The following DFFA variants were observed in gnomAD, a reference collection of about 807,000 sequenced individuals.
DFFA encodes DNA fragmentation factor subunit alpha.
DFFA carries 14 observed loss-of-function variants against 28.0 expected under a neutral mutation model. The observed-to-expected ratio is 0.50, with a 90% CI of 0.33 to 0.78. The LOEUF (loss-of-function observed/expected upper bound fraction) is 0.78. DFFA is among the 30% of genes least tolerant of loss of function. The pLI is 0.02. For missense variants in DFFA, 395 were observed against 407.1 expected (o/e 0.97, Z 0.26); for synonymous variants, 158 against 170.3 (o/e 0.93, Z 0.56).
intron 2 of DFFA, among the ~76,000 whole-genome samples, 171 bp downstream of exon 2, chr1:10,469,006 T>C (rs1268395119): frequency 6.6e-6 from 1 of 152,136 alleles, no homozygotes; most frequent in Non-Finnish European, 1.5e-5. Context: ...GCCTCATTCA[T>C]CTTTATCCCC....
chr1:10,470,510 C>T (rs1438019812), intron 1 of DFFA, among the ~76,000 whole-genome samples: 9 of 150,510 alleles, frequency 6.0e-5, no homozygotes, highest in Non-Finnish European at 1.2e-4. Flanking sequence ...CTGCAAGCTC[C>T]GCCCCCCGGG....
intron 4 of DFFA, 44 bp from the exon 5 acceptor site, chr1:10,463,253 C>A (rs571929572): frequency 1.3e-6 from 2 of 1,598,702 alleles, no homozygotes; most frequent in African/African-American, 2.7e-5. Flanking sequence ...GGTGTGACCA[C>A]ACAGCCACAT....
intron 2 of DFFA, among the ~76,000 whole-genome samples, chr1:10,468,556 T>C (rs1641052043): frequency 1.3e-5 from 2 of 151,976 alleles, no homozygotes; most frequent in African/African-American, 4.8e-5. Context: ...ATAATTATTA[T>C]GTCAACAAGG....
Position 10,472,486 on chromosome 1 carries a change from T to C in DFFA, c.-28A>G, listed in dbSNP as rs1479066892. ...TCCACAAGGTGGGACCTGCCCACCT[T>C]CGAGAAGTCGCGGGAGGCCGGAGCG... On this transcript the variant is annotated 5_prime_UTR_variant, in exon 1 of 6. Transcript: ENST00000377038. This position sits in a 1 kb window ranked among gnomAD's most constrained non-coding sequence, Gnocchi z 5.0. 6.4e-7 allele frequency: 1 copy of C among 1,566,010 alleles called. No individual in the cohort carries two copies. The highest frequency in any genetic ancestry group is 8.7e-7 in the Non-Finnish European group (1 of 1,150,866).
intron 2 of DFFA, among the ~76,000 whole-genome samples, chr1:10,468,694 G>A (rs1441021613): frequency 5.9e-5 from 9 of 151,606 alleles, no homozygotes; most frequent in Admixed American, 5.3e-4. Flanking sequence ...TTCAGTTGCT[G>A]TCTGTCCATG....
chr1:10,464,282 C>T (rs1375029388), intron 3 of DFFA, among the ~76,000 whole-genome samples: 4 of 151,724 alleles, frequency 2.6e-5, no homozygotes, highest in Admixed American at 6.6e-5. Flanking sequence ...TTAGTAGAGA[C>T]GGGGTTTCAC....
intron 2 of DFFA, 104 bp from the exon 3 acceptor site, chr1:10,467,436 T>TCTAGA: frequency 7.9e-7 from 1 of 1,267,678 alleles, no homozygotes; most frequent in Non-Finnish European, 1.1e-6. Context: ...TTAATTTCAA[T>TCTAGA]GGGAAAGAAG....
At position 10,467,401 on chromosome 1, in the gene DFFA, C is replaced by A. The variant is rs531303673; in HGVS notation, c.299-69G>T. On this transcript the variant is annotated intron_variant, in intron 2 of 5. Coordinates refer to ENST00000377038, the MANE Select transcript of DFFA (RefSeq NM_004401.3). ...GCTGTTTTCACCTCCTCCCCCAGCA[C>A]ACACAGACCTCTTGAGGATCTAGAT... is the stretch of plus-strand genomic sequence containing the variant. 6.5e-6 allele frequency: 10 copies of A among 1,531,082 alleles called. No homozygotes were observed. In the South Asian group the frequency reaches 1.1e-4, roughly 17 times the overall value. The allele number at this position is 1,531,082 out of a possible 1,614,324, so 94.8% of individuals were successfully genotyped here. A position where few individuals can be genotyped will look rare whatever the true frequency, so the allele number is the denominator to read the frequency against.
chr1:10,464,244 C>T (rs1159880089), intron 3 of DFFA, among the ~76,000 whole-genome samples: 4 of 152,002 alleles, frequency 2.6e-5, no homozygotes, highest in Admixed American at 6.6e-5. Context: ...AGGTGCCTGC[C>T]ACCACGCTTG....
chr1:10,464,315 A>T (rs1349214818), intron 3 of DFFA, among the ~76,000 whole-genome samples: 1 of 149,328 alleles, frequency 6.7e-6, no homozygotes, highest in East Asian at 2.1e-4. Context: ...GATGGTCTCG[A>T]TCTCCTGATC....
chr1:10,463,570 A>G lies in DFFA; in HGVS notation c.492T>C (p.Ser164=). ...CSDLAQELRQ[S]CATVQRLQHT... is the part of the protein sequence containing the mutation. The stretch of plus-strand genomic sequence containing the variant: ...GCTGCAGCCGCTGGACGGTGGCACA[A>G]CTCTGACGTAGTTCCTGAGCCAGGT... The change falls in exon 4 of 6, where the codon AGT becomes AGC. Residue 164 remains serine (S), a synonymous_variant. Transcript: ENST00000377038. The G allele has an allele frequency of 6.2e-7, 1 of 1,614,028 alleles. No homozygotes were observed. The highest frequency in any genetic ancestry group is 8.5e-7 in the Non-Finnish European group (1 of 1,179,998).
chr1:10,465,335 C>G (rs927433481), intron 3 of DFFA, among the ~76,000 whole-genome samples: 1 of 152,160 alleles, frequency 6.6e-6, no homozygotes, highest in Non-Finnish European at 1.5e-5. Flanking sequence ...GGCGTGATCT[C>G]TGCTCACTGC....
At chr1:10,466,216 C>T (rs1206033697) in intron 3 of DFFA, among the ~76,000 whole-genome samples, 1 of 152,102 alleles carries the variant, frequency 6.6e-6, no homozygotes, top group Admixed American at 6.6e-5. Context: ...TGGAGTCTCT[C>T]TCTGTCACCC....
rs779515834 is a variant in DFFA at position 10,472,506 on chromosome 1, G to T, written c.-48C>A. 1.3e-6 allele frequency: 2 copies of T among 1,546,008 alleles called. No individual in the cohort carries two copies. The highest frequency in any genetic ancestry group is 1.8e-6 in the Non-Finnish European group (2 of 1,139,152). ...CACCTTCGAGAAGTCGCGGGAGGCCGGAGCGGCGGTCCTTCTACTCGACCC... is the reference window on the plus strand; with the variant it reads ...CACCTTCGAGAAGTCGCGGGAGGCCTGAGCGGCGGTCCTTCTACTCGACCC... On this transcript the variant is annotated 5_prime_UTR_variant, in exon 1 of 6. Coordinates refer to ENST00000377038, the MANE Select transcript of DFFA (RefSeq NM_004401.3). The surrounding 1 kb of genome is among the most constrained non-coding windows in gnomAD (Gnocchi z 5.0).
At chr1:10,470,616 G>C (rs1311374245) in intron 1 of DFFA, among the ~76,000 whole-genome samples, 1 of 149,712 alleles carries the variant, frequency 6.7e-6, no homozygotes, top group Non-Finnish European at 1.5e-5. Flanking sequence ...TAGTAGAGAC[G>C]GGGTTTCACC....
intron 3 of DFFA, among the ~76,000 whole-genome samples, chr1:10,466,378 A>G (rs1641022682): frequency 6.6e-6 from 1 of 151,632 alleles, no homozygotes; most frequent in Non-Finnish European, 1.5e-5. Context: ...TTTAGTAGAG[A>G]TGGGGTTTTA....
At chr1:10,466,836 C>G (rs1324772262) in intron 3 of DFFA, among the ~76,000 whole-genome samples, 1 of 151,332 alleles carries the variant, frequency 6.6e-6, no homozygotes, top group Non-Finnish European at 1.5e-5. Flanking sequence ...ACCTGTAATT[C>G]CAGCTACCTG....
intron 2 of DFFA, 39 bp from the exon 3 acceptor site, chr1:10,467,371 G>A: frequency 6.2e-7 from 1 of 1,613,204 alleles, no homozygotes; most frequent in Non-Finnish European, 8.5e-7. Context: ...AGAACAACCT[G>A]AAGTGCTGTT....
intron 3 of DFFA, among the ~76,000 whole-genome samples, chr1:10,464,951 G>A (rs1354116863): frequency 1.3e-5 from 2 of 152,160 alleles, no homozygotes; most frequent in African/African-American, 2.4e-5. Context: ...ACAGGATGGG[G>A]CTCAATAAAT....
Sources: gnomAD v4.1 joint callset for allele counts (sites outside exome capture counted in the v4.1 genomes callset) on GRCh38, gnomAD v4.1.1 for gene constraint, Gnocchi (gnomAD v3.1) non-coding constraint, MANE v1.5 for transcripts, NCBI Gene and HGNC (gene_info 2026-07-23, HGNC 2026-07-21) for gene names.